BMP6: variants seen among roughly 807,000 people sequenced by gnomAD.
The protein encoded by BMP6 is VG-1-R.
In BMP6, 17 loss-of-function variants were observed where a neutral mutation model predicts 54.1. The ratio of observed to expected loss-of-function variants is 0.31; its 90% CI spans 0.22 to 0.47. The LOEUF (loss-of-function observed/expected upper bound fraction) is 0.47. Among genes scored for constraint, BMP6 ranks in the 20% least tolerant of loss-of-function variants. The pLI is 1.00. For synonymous variants in BMP6, 328 were observed against 291.2 expected, an observed-to-expected ratio of 1.13 and a Z score of -1.28; for missense variants, 720 against 690.4, an observed-to-expected ratio of 1.04 and a Z score of -0.48.
chr6:7,766,547 G>A (rs559968751), intron 1 of BMP6, among the ~76,000 whole-genome samples: 47 of 152,212 alleles, frequency 3.1e-4, no homozygotes, highest in Non-Finnish European at 6.5e-4. Context: ...GAACCTGGAA[G>A]ATCAAGGCTG....
intron 2 of BMP6, among the ~76,000 whole-genome samples, chr6:7,855,337 C>T (rs1759208643): frequency 6.6e-6 from 1 of 152,100 alleles, no homozygotes; most frequent in African/African-American, 2.4e-5. Context: ...CAGGCCCCTC[C>T]CCAAGCTTAC....
chr6:7,761,440 A>C (rs1035352962), intron 1 of BMP6, among the ~76,000 whole-genome samples: 7 of 152,244 alleles, frequency 4.6e-5, no homozygotes, highest in African/African-American at 1.7e-4. Context: ...TTCTTGTAAG[A>C]TTGAGAAGGA....
At chr6:7,732,709 C>T (rs1250182433) in intron 1 of BMP6, among the ~76,000 whole-genome samples, 3 of 152,098 alleles carry the variant, frequency 2.0e-5, no homozygotes, top group African/African-American at 7.2e-5. Flanking sequence ...GTATATCAAA[C>T]GTAGCAAACT....
chr6:7,837,810 A>G (rs555820706), intron 1 of BMP6, among the ~76,000 whole-genome samples: 51 of 152,374 alleles, frequency 3.3e-4, no homozygotes, highest in Admixed American at 9.8e-4. Context: ...ATAAAATTTA[A>G]AACAAATTAT....
chr6:7,738,677 C>T (rs572157072), intron 1 of BMP6, among the ~76,000 whole-genome samples: 3 of 152,290 alleles, frequency 2.0e-5, no homozygotes, highest in East Asian at 3.9e-4. Context: ...ATTCCCAAGA[C>T]GATTCTTTTT....
intron 1 of BMP6, among the ~76,000 whole-genome samples, chr6:7,825,518 C>T (rs1441885200): frequency 2.0e-5 from 3 of 152,034 alleles, no homozygotes; most frequent in South Asian, 2.1e-4. Flanking sequence ...GTCAGGAATT[C>T]GAGACCAGCC....
At chr6:7,814,651 T>C (rs551154655) in intron 1 of BMP6, among the ~76,000 whole-genome samples, 1 of 152,206 alleles carries the variant, frequency 6.6e-6, no homozygotes, top group Non-Finnish European at 1.5e-5. Context: ...CATGTAATGA[T>C]GTGAGGGTCA....
At chr6:7,863,431 A>G (rs1418297165) in intron 4 of BMP6, among the ~76,000 whole-genome samples, 1 of 152,162 alleles carries the variant, frequency 6.6e-6, no homozygotes, top group Admixed American at 6.5e-5. Context: ...GTGGCCAGGA[A>G]GGCAACCAGT....
chr6:7,800,349 G>A (rs932186053), intron 1 of BMP6, among the ~76,000 whole-genome samples: 1 of 152,160 alleles, frequency 6.6e-6, no homozygotes, highest in African/African-American at 2.4e-5. Flanking sequence ...TTAAAAAAGA[G>A]TCAGATAATT....
chr6:7,727,357 C>G lies in BMP6; in HGVS notation c.402C>G (p.Leu134=). 1.2e-6 allele frequency: 2 copies of G among 1,610,144 alleles called. No individual in the cohort carries two copies. The highest frequency in any genetic ancestry group is 1.7e-6 in the Non-Finnish European group (2 of 1,178,906). Residue 134 remains leucine, a synonymous_variant, in exon 1 of 7, where the codon CTC becomes CTG. Transcript: ENST00000283147. ...CCGGGCGACTGAAGTCCGCGCCCCT[C>G]TTCATGCTGGATCTGTACAACGCCC... ...PPPGRLKSAP[L]FMLDLYNALS...
chr6:7,836,135 G>A (rs1239211345), intron 1 of BMP6, among the ~76,000 whole-genome samples: 5 of 152,016 alleles, frequency 3.3e-5, no homozygotes, highest in South Asian at 4.1e-4. Flanking sequence ...ACTGCGCCCG[G>A]CCTATCTCCC....
At chr6:7,733,217 T>C (rs868465633) in intron 1 of BMP6, among the ~76,000 whole-genome samples, 25 of 152,226 alleles carry the variant, frequency 1.6e-4, no homozygotes, top group South Asian at 6.2e-4. Context: ...GGAATGACTA[T>C]TGTTTAACTT....
intron 4 of BMP6, among the ~76,000 whole-genome samples, chr6:7,868,121 G>C (rs937444000): frequency 6.6e-6 from 1 of 152,158 alleles, no homozygotes; most frequent in East Asian, 1.9e-4. Context: ...TTGTCTATTT[G>C]CAGGACAGTT....
At chr6:7,840,425 T>C (rs1226771390) in intron 1 of BMP6, among the ~76,000 whole-genome samples, 2 of 152,290 alleles carry the variant, frequency 1.3e-5, no homozygotes, top group East Asian at 3.9e-4. Flanking sequence ...CTTCATTACC[T>C]CCGTAAATTG....
intron 1 of BMP6, among the ~76,000 whole-genome samples, chr6:7,773,386 G>T (rs1757818576): frequency 1.3e-5 from 2 of 152,182 alleles, no homozygotes; most frequent in Non-Finnish European, 2.9e-5. Context: ...GTGTTCATTC[G>T]CCCCGGTGCA....
chr6:7,875,703 A>G (rs934020556), intron 4 of BMP6, among the ~76,000 whole-genome samples: 1 of 152,200 alleles, frequency 6.6e-6, no homozygotes, highest in African/African-American at 2.4e-5. Flanking sequence ...TGGGCATTCC[A>G]TAGTCCAATC....
intron 4 of BMP6, among the ~76,000 whole-genome samples, chr6:7,868,204 G>T (rs534181425): frequency 6.6e-6 from 1 of 152,326 alleles, no homozygotes; most frequent in South Asian, 2.1e-4. Context: ...GGGGCCTTAT[G>T]AGATCCTGAA....
At chr6:7,743,014 G>GGA (rs1757292626) in intron 1 of BMP6, among the ~76,000 whole-genome samples, 1 of 151,980 alleles carries the variant, frequency 6.6e-6, no homozygotes, top group Admixed American at 6.6e-5. Context: ...TGGAGCAAAG[G>GGA]GAGAGAGAGA....
intron 1 of BMP6, among the ~76,000 whole-genome samples, chr6:7,743,139 A>G (rs985066039): frequency 6.6e-6 from 1 of 152,196 alleles, no homozygotes; most frequent in Non-Finnish European, 1.5e-5. Flanking sequence ...CTGTCCTATC[A>G]AGTGGTAATC....
Sources: gnomAD v4.1 joint callset for allele counts (sites outside exome capture counted in the v4.1 genomes callset) on GRCh38, gnomAD v4.1.1 for gene constraint, MANE v1.5 for transcripts, NCBI Gene and HGNC (gene_info 2026-07-23, HGNC 2026-07-21) for gene names.